The following RHBDD1 variants were observed in gnomAD, a reference collection of about 807,000 sequenced individuals.
RHBDD1 encodes rhomboid domain containing 1, also known as rhomboid-related protein 4.
In RHBDD1, 38 loss-of-function variants were observed where a neutral mutation model predicts 36.3. The ratio of observed to expected loss-of-function variants is 1.05; its 90% CI spans 0.81 to 1.37. The LOEUF is 1.37. RHBDD1 is among the 40% of genes most tolerant of loss of function. The pLI is 0.00. For synonymous variants in RHBDD1, 151 were observed against 136.5 expected (o/e 1.11, Z -0.74); for missense variants, 393 against 377.6 (o/e 1.04, Z -0.34).
intron 8 of RHBDD1, among the ~76,000 whole-genome samples, chr2:226,934,144 C>A (rs1314505028): frequency 6.6e-6 from 1 of 152,038 alleles, no homozygotes; most frequent in African/African-American, 2.4e-5. Flanking sequence ...GACAGTGGTC[C>A]CATAACATTA....
chr2:226,935,520 T>A (rs1299170370), intron 8 of RHBDD1: 1 of 152,178 alleles, frequency 6.6e-6, no homozygotes, highest in Non-Finnish European at 1.5e-5. Flanking sequence ...TTTGATGGTG[T>A]GTTACAAAGA....
intron 5 of RHBDD1, among the ~76,000 whole-genome samples, chr2:226,904,806 G>A (rs530047036): frequency 8.5e-5 from 13 of 152,298 alleles, no homozygotes; most frequent in East Asian, 3.9e-4. Context: ...CATAGTAGGC[G>A]AAATGTATTG....
rs1553554840 is a variant in RHBDD1 at position 226,882,452 on chromosome 2, A to AAG, written c.566+15135_566+15136insGA. On this transcript the variant is annotated intron_variant, in intron 5 of 8. Coordinates refer to ENST00000392062, the MANE Select transcript of RHBDD1 (RefSeq NM_001167608.3). ...CCTCAAAAAAAAAAAAAAAAAAAAA[A>AAG]AAGAAGAAGAAGAAGAAGAAAAAGA... is the stretch of plus-strand genomic sequence containing the variant. Among the ~76,000 whole-genome samples, 8 of 136,140 alleles carry AAG rather than the reference A, an allele frequency of 5.9e-5. No homozygotes were observed. The East Asian group carries it at 8.5e-4, about 14-fold the overall frequency. The allele number at this position is 136,140 out of a possible 152,430, so 89.3% of individuals were successfully genotyped here. A position where few individuals can be genotyped will look rare whatever the true frequency, so the allele number is the denominator to read the frequency against.
At chr2:226,823,536 T>C in the RHBDD1 span, among the ~76,000 whole-genome samples, 1 of 152,216 alleles carries the variant, frequency 6.6e-6, no homozygotes, top group Admixed American at 6.5e-5. Context: ...ATGAATAATA[T>C]ATTTTTCTTA....
chr2:226,884,493 CT>C (rs1334503282), intron 5 of RHBDD1, among the ~76,000 whole-genome samples: 5 of 152,178 alleles, frequency 3.3e-5, no homozygotes, highest in Middle Eastern at 6.8e-3. Flanking sequence ...TTGTTCCCCC[CT>C]GAATTCAAGA....
At position 226,940,594 on chromosome 2, in the gene RHBDD1, TC is replaced by T. The variant is rs559396469; in HGVS notation, c.856+26244del. ...CACAATTATATATGATTATTATAAT[TC>T]ATTAAAAATTTTAATTAAAAAGTAA... On this transcript the variant is annotated intron_variant, in intron 8 of 8. Transcript: ENST00000392062. Among the ~76,000 whole-genome samples, 764 of 152,302 alleles carry T rather than the reference TC, an allele frequency of 5.0e-3. 5 individuals are homozygous for T. Among genetic ancestry groups the T allele is most frequent in the African/African-American group, 0.017 (725 of 41,560 alleles).
chr2:226,859,111 T>A (rs1045818310), intron 3 of RHBDD1, among the ~76,000 whole-genome samples: 1 of 152,222 alleles, frequency 6.6e-6, no homozygotes, highest in African/African-American at 2.4e-5. Flanking sequence ...ACCTTCTTAA[T>A]CAGTTTCATT....
the RHBDD1 span, among the ~76,000 whole-genome samples, chr2:226,816,385 AAAAAAAAAAAAG>A: frequency 6.6e-6 from 1 of 151,358 alleles, no homozygotes; most frequent in Non-Finnish European, 1.5e-5. Flanking sequence ...CAAAAAAAAA[AAAAAAAAAAAAG>A]AAAAAAAACA....
At chr2:226,980,877 TTAA>T (rs1335375136) in intron 8 of RHBDD1, among the ~76,000 whole-genome samples, 4 of 152,198 alleles carry the variant, frequency 2.6e-5, no homozygotes, top group Admixed American at 6.6e-5. Flanking sequence ...TTATAAATAA[TTAA>T]TGTCTATTAA....
At chr2:226,898,885 C>T (rs1947353419) in intron 5 of RHBDD1, among the ~76,000 whole-genome samples, 1 of 152,202 alleles carries the variant, frequency 6.6e-6, no homozygotes, top group South Asian at 2.1e-4. Flanking sequence ...TGCCTCTTAC[C>T]TTACCTTGTT....
chr2:226,924,303 TGTCTG>T (rs1949527534), intron 8 of RHBDD1, among the ~76,000 whole-genome samples: 1 of 152,156 alleles, frequency 6.6e-6, no homozygotes, highest in Non-Finnish European at 1.5e-5. Flanking sequence ...CTAGAAATGA[TGTCTG>T]GTAACTAGAG....
chr2:226,988,422 T>C (rs973616422), intron 8 of RHBDD1: 1 of 1,550,472 alleles, frequency 6.4e-7, no homozygotes, highest in African/African-American at 1.4e-5. Context: ...CTGGGAAGCC[T>C]GAAGCAGGCC....
chr2:226,919,972 A>G (rs1207284951), intron 8 of RHBDD1, among the ~76,000 whole-genome samples: 1 of 151,916 alleles, frequency 6.6e-6, no homozygotes, highest in African/African-American at 2.4e-5. Context: ...ATATGTTTCC[A>G]CTTTTTGTGT....
rs186681240 is a variant in RHBDD1, at chr2:226,923,356, C to T, written c.856+9005C>T. On this transcript the variant is annotated intron_variant, in intron 8 of 8. Coordinates refer to ENST00000392062, the MANE Select transcript of RHBDD1 (RefSeq NM_001167608.3). ...ATATATCATGCCATTCTCTCCTTGC[C>T]TGTAAGGTTTCCACTGAAGTCCGCT... 1.5e-3 allele frequency among the ~76,000 whole-genome samples: 230 copies of T among 152,200 alleles called. 1 individual carries two copies. The highest frequency in any genetic ancestry group is 4.9e-3 in the African/African-American group (204 of 41,534).
chr2:226,850,069 T>C (rs954038801), intron 3 of RHBDD1, among the ~76,000 whole-genome samples: 2 of 152,196 alleles, frequency 1.3e-5, no homozygotes, highest in African/African-American at 4.8e-5. Flanking sequence ...AATAATAATA[T>C]CAACAACGAA....
intron 8 of RHBDD1, among the ~76,000 whole-genome samples, chr2:226,976,600 C>G (rs377254166): frequency 2.6e-5 from 4 of 152,116 alleles, no homozygotes; most frequent in African/African-American, 9.7e-5. Context: ...CTACCTTAAG[C>G]TCATCTAGAA....
chr2:226,811,440 T>C, the RHBDD1 span, among the ~76,000 whole-genome samples: 11,471 of 152,266 alleles, frequency 0.075, 491 homozygotes, highest in East Asian at 0.13. Context: ...TAGCTGGGAT[T>C]ACAGGTGTGC....
upstream of RHBDD1, among the ~76,000 whole-genome samples, chr2:226,831,337 G>C (rs1447866028): frequency 6.6e-6 from 1 of 152,168 alleles, no homozygotes; most frequent in African/African-American, 2.4e-5. Flanking sequence ...CATCCAAAAA[G>C]ATGTGTTGAA....
At chr2:226,887,234 A>G (rs1946302006) in intron 5 of RHBDD1, among the ~76,000 whole-genome samples, 1 of 152,230 alleles carries the variant, frequency 6.6e-6, no homozygotes, top group Admixed American at 6.5e-5. Context: ...TTTTTAAAAG[A>G]AAGCATCACT....
Sources: allele counts gnomAD v4.1 joint callset (sites outside exome capture counted in the v4.1 genomes callset), GRCh38; gene constraint gnomAD v4.1.1; transcripts MANE v1.5; gene names NCBI Gene and HGNC (gene_info 2026-07-23, HGNC 2026-07-21).